Variants in ASPH observed in about 807,000 individuals in gnomAD.
ASPH encodes the protein aspartyl/asparaginyl beta-hydroxylase.
Under a neutral mutation model 118.4 loss-of-function variants are expected in ASPH, and 100 were observed. The observed-to-expected ratio is 0.84, with a 90% confidence interval of 0.72 to 1.00. The LOEUF (loss-of-function observed/expected upper bound fraction) is 1.00, where lower values mean the gene tolerates loss of function less well. ASPH is among the 50% of genes least tolerant of loss of function. The pLI is 0.00. For missense variants in ASPH, 920 were observed against 919.5 expected, an observed-to-expected ratio of 1.00 and a Z score of -0.01; for synonymous variants, 315 against 325.6, an observed-to-expected ratio of 0.97 and a Z score of 0.35.
At chr8:61,675,389 A>G (rs1404885468) in intron 3 of ASPH, 3 of 978,600 alleles carry the variant, frequency 3.1e-6, no homozygotes, top group Non-Finnish European at 3.6e-6. Context: ...TAAAATTTAA[A>G]ATAAATTTTG....
intron 14 of ASPH, among the ~76,000 whole-genome samples, chr8:61,591,488 G>T (rs191820976): frequency 4.8e-4 from 73 of 152,080 alleles, no homozygotes; most frequent in Non-Finnish European, 7.4e-4. Context: ...TTCCATGTAG[G>T]TTTTTCAGTA....
chr8:61,609,375 T>C (rs13258248), intron 14 of ASPH, among the ~76,000 whole-genome samples: 127,653 of 149,104 alleles, frequency 0.86, 53,756 homozygotes, highest in African/African-American at 0.89. Flanking sequence ...TCCCGCGTGG[T>C]CTCCAGACAC....
intron 1 of ASPH, among the ~76,000 whole-genome samples, chr8:61,701,055 C>G (rs1217360680): frequency 6.6e-6 from 1 of 152,216 alleles, no homozygotes; most frequent in Non-Finnish European, 1.5e-5. Flanking sequence ...TAAATTCCCT[C>G]ATGGCCATTT....
At chr8:61,674,249 A>G (rs1824108476) in intron 3 of ASPH, among the ~76,000 whole-genome samples, 1 of 152,220 alleles carries the variant, frequency 6.6e-6, no homozygotes, top group South Asian at 2.1e-4. Flanking sequence ...TAAACCTAAT[A>G]AACTTTGATA....
rs113624029 is a variant in ASPH, at chr8:61,652,280, G to A, written c.416-1156C>T. 6.8e-3 allele frequency among the ~76,000 whole-genome samples: 1,041 copies of A among 152,312 alleles called. 10 individuals carry two copies. The highest frequency in any genetic ancestry group is 0.023 in the African/African-American group (956 of 41,558). On this transcript the variant is annotated intron_variant, in intron 4 of 24. Coordinates refer to ENST00000379454, the MANE Select transcript of ASPH (RefSeq NM_004318.4). ...TATAATCTGAGTTACTAGAAGTGGAGGGTGGTGCACTCTGCTCACTCTTTA... is the reference window on the plus strand; with the variant it reads ...TATAATCTGAGTTACTAGAAGTGGAAGGTGGTGCACTCTGCTCACTCTTTA...
At chr8:61,667,459 C>T (rs553937212) in intron 3 of ASPH, among the ~76,000 whole-genome samples, 19 of 152,180 alleles carry the variant, frequency 1.2e-4, no homozygotes, top group African/African-American at 3.4e-4. Context: ...CTCTGCCTCC[C>T]GGGTTCAAGC....
At chr8:61,604,825 A>C (rs1389307102) in intron 14 of ASPH, among the ~76,000 whole-genome samples, 3 of 152,200 alleles carry the variant, frequency 2.0e-5, no homozygotes, top group African/African-American at 7.2e-5. Flanking sequence ...CCAATTGCAC[A>C]ATCAGGCAGA....
intron 23 of ASPH, 152 bp downstream of exon 23, chr8:61,517,880 A>G: frequency 1.8e-6 from 2 of 1,086,524 alleles, no homozygotes; most frequent in East Asian, 2.4e-5. Flanking sequence ...CTCAATTCTG[A>G]CGTCAACCAC....
chr8:61,604,309 A>G (rs1460720540), intron 14 of ASPH, among the ~76,000 whole-genome samples: 6 of 152,348 alleles, frequency 3.9e-5, no homozygotes, highest in African/African-American at 1.4e-4. Flanking sequence ...TAGTACAGAA[A>G]GAGAGAGAAA....
At chr8:61,599,478 C>CAA (rs201476150) in intron 14 of ASPH, among the ~76,000 whole-genome samples, 5 of 96,924 alleles carry the variant, frequency 5.2e-5, no homozygotes, top group African/African-American at 1.6e-4. Context: ...TTAAAAAAGT[C>CAA]AAAAAAAAAA....
intron 22 of ASPH, among the ~76,000 whole-genome samples, chr8:61,520,861 T>C (rs959368585): frequency 6.6e-6 from 1 of 152,234 alleles, no homozygotes; most frequent in Admixed American, 6.5e-5. Flanking sequence ...CTTACCTGAA[T>C]GACAGGTGAT....
intron 16 of ASPH, among the ~76,000 whole-genome samples, chr8:61,567,999 A>C (rs1315171659): frequency 6.6e-6 from 1 of 152,152 alleles, no homozygotes; most frequent in African/African-American, 2.4e-5. Context: ...GCAAGAGCAA[A>C]GGCTTGGAGG....
chr8:61,518,531 C>G (rs981959610), intron 22 of ASPH, among the ~76,000 whole-genome samples: 2 of 151,974 alleles, frequency 1.3e-5, no homozygotes, highest in African/African-American at 4.8e-5. Flanking sequence ...AAGCCTTACC[C>G]TATATCATAA....
chr8:61,567,132 C>T (rs748067462), intron 17 of ASPH, 36 bp downstream of exon 17: 24 of 1,604,110 alleles, frequency 1.5e-5, no homozygotes, highest in Admixed American at 6.8e-5. Context: ...AAAACATATG[C>T]CATTTCCTAC....
At position 61,503,503 on chromosome 8, in the gene ASPH, C is replaced by A; in HGVS notation, c.2133G>T (p.Trp711Cys). 6.2e-7 allele frequency: 1 copy of A among 1,610,352 alleles called. No individual in the cohort carries two copies. Reference sequence around the variant, plus strand: ...CAAAGATGAGCACCTTGCCTTCCTCCCAGGTCCTGCAGCAGAAAGACAAGG... The same window carrying A: ...CAAAGATGAGCACCTTGCCTTCCTCACAGGTCCTGCAGCAGAAAGACAAGG... Reference protein sequence around the residue: ...KIRCANETKTWEEGKVLIFDD... With the variant: ...KIRCANETKTCEEGKVLIFDD... Residue 711 changes from tryptophan (W) to cysteine (C), a missense_variant, in exon 25 of 25, where the codon TGG becomes TGT. Physicochemically the swap from Trp to Cys is radical, Grantham distance 215. Coordinates refer to ENST00000379454, the MANE Select transcript of ASPH (RefSeq NM_004318.4).
chr8:61,664,424 A>C (rs1818455736), intron 3 of ASPH: 1 of 980,688 alleles, frequency 1.0e-6, no homozygotes, highest in Non-Finnish European at 1.2e-6. Flanking sequence ...TCATAAATAA[A>C]AGTGTTCTGA....
chr8:61,562,838 T>G lies in ASPH; in HGVS notation c.1343A>C (p.Gln448Pro). 6.2e-7 allele frequency: 1 copy of G among 1,612,650 alleles called. No homozygotes were observed. Among genetic ancestry groups the G allele is most frequent in the Non-Finnish European group, 8.5e-7 (1 of 1,179,438 alleles). ...GSLLTLQRLV[Q>P]LFPNDTSLKN... ...TAAGGAAGTATCATTGGGAAATAGT[T>G]GAACTAATCTCTGCAGGGTAAGCAG... is the stretch of plus-strand genomic sequence containing the variant. The change falls in exon 18 of 25, where the codon CAA (glutamine) becomes CCA (proline). Residue 448 changes from glutamine to proline, a missense_variant. By Grantham distance (76) the Gln-to-Pro change is moderately conservative. Transcript: ENST00000379454.
chr8:61,631,543 A>AT (rs1855593106), intron 13 of ASPH: 1 of 152,194 alleles, frequency 6.6e-6, no homozygotes, highest in African/African-American at 2.4e-5. Context: ...TGTACCATAT[A>AT]GCCTAGATGT....
chr8:61,548,655 C>A (rs1332630243), intron 20 of ASPH, among the ~76,000 whole-genome samples: 1 of 152,190 alleles, frequency 6.6e-6, no homozygotes, highest in African/African-American at 2.4e-5. Context: ...AAAGCAGCTT[C>A]TTTTCACATG....
Sources: allele counts gnomAD v4.1 joint callset (sites outside exome capture counted in the v4.1 genomes callset), GRCh38; gene constraint gnomAD v4.1.1; transcripts MANE v1.5; gene names NCBI Gene and HGNC (gene_info 2026-07-23, HGNC 2026-07-21).